Variants in NRG3 observed in about 807,000 individuals in gnomAD.
The protein encoded by NRG3 is neuregulin 3, also known as pro-neuregulin-3, membrane-bound isoform.
A neutral mutation model predicts 66.9 loss-of-function variants in NRG3; 31 were observed. The observed-to-expected ratio is 0.46, with a 90% CI of 0.35 to 0.63. The LOEUF (loss-of-function observed/expected upper bound fraction) is 0.63. Among genes scored for constraint, NRG3 ranks in the 20% least tolerant of loss-of-function variants. The probability of loss-of-function intolerance (pLI) is 0.00; values close to 1 mark genes in which losing one functional copy is unlikely to be tolerated. For missense variants in NRG3, 910 were observed against 878.9 expected (o/e 1.04, Z -0.45); for synonymous variants, 393 against 359.4 (o/e 1.09, Z -1.06).
At chr10:82,616,673 G>T (rs1410126662) in intron 2 of NRG3, among the ~76,000 whole-genome samples, 1 of 152,080 alleles carries the variant, frequency 6.6e-6, no homozygotes, top group African/African-American at 2.4e-5. Flanking sequence ...TTGTTGTACT[G>T]TATTTGTTAA....
rs540562479 is a variant in NRG3 at position 82,856,741 on chromosome 10, C to T, written c.1028-8670C>T. On this transcript the variant is annotated intron_variant, in intron 3 of 8. Transcript: ENST00000372141. ...CCTGGGAGACAGAGCAAGACTCTGT[C>T]TCAAAAAAAAAAAACAAAAAAAAAA... Among the ~76,000 whole-genome samples, 42 of 64,086 alleles carry T rather than the reference C, an allele frequency of 6.6e-4. No individual in the cohort carries two copies. In the Admixed American group the frequency reaches 9.2e-3, roughly 14 times the overall value. 42.0% of individuals were successfully genotyped at this position (64,086 alleles called of 152,430 possible).
At chr10:82,145,526 C>T (rs1172703847) in intron 1 of NRG3, among the ~76,000 whole-genome samples, 1 of 152,150 alleles carries the variant, frequency 6.6e-6, no homozygotes, top group Non-Finnish European at 1.5e-5. Context: ...GTGATGGCCT[C>T]AACATCATAT....
At chr10:81,968,848 G>C (rs1361609214) in intron 1 of NRG3, among the ~76,000 whole-genome samples, 1 of 152,184 alleles carries the variant, frequency 6.6e-6, no homozygotes, top group African/African-American at 2.4e-5. Context: ...TTCTGGTTCT[G>C]AGGCAGGTGC....
chr10:81,987,781 A>G (rs554679054), intron 1 of NRG3, among the ~76,000 whole-genome samples: 1 of 152,330 alleles, frequency 6.6e-6, no homozygotes, highest in East Asian at 1.9e-4. Context: ...GAGCTTTGAT[A>G]TCCAAAGAAA....
chr10:81,909,328 T>G (rs1014488602), intron 1 of NRG3, among the ~76,000 whole-genome samples: 6 of 152,298 alleles, frequency 3.9e-5, no homozygotes, highest in Non-Finnish European at 8.8e-5. Context: ...GGCCCCATTT[T>G]CAAATAAGAT....
At chr10:82,617,870 A>G (rs2048770384) in intron 2 of NRG3, among the ~76,000 whole-genome samples, 1 of 152,172 alleles carries the variant, frequency 6.6e-6, no homozygotes, top group Non-Finnish European at 1.5e-5. Context: ...TGTGCTGTGA[A>G]GATTCCTTAA....
chr10:82,733,858 A>T (rs1010017724), intron 2 of NRG3, among the ~76,000 whole-genome samples: 2 of 152,220 alleles, frequency 1.3e-5, no homozygotes, highest in African/African-American at 2.4e-5. Context: ...CTTAGTTGTT[A>T]TTCAGGAAAT....
intron 1 of NRG3, among the ~76,000 whole-genome samples, chr10:82,246,149 C>T (rs2077234349): frequency 6.6e-6 from 1 of 151,900 alleles, no homozygotes; most frequent in African/African-American, 2.4e-5. Context: ...TAACTACTTA[C>T]TCTGTGGAGT....
intron 2 of NRG3, among the ~76,000 whole-genome samples, chr10:82,503,061 A>G (rs1421081081): frequency 7.3e-6 from 1 of 136,216 alleles, no homozygotes; most frequent in Non-Finnish European, 1.5e-5. Context: ...AATGGAAATA[A>G]CAGTTTCATT....
chr10:82,943,557 G>A (rs990885492), intron 4 of NRG3, among the ~76,000 whole-genome samples: 2 of 152,208 alleles, frequency 1.3e-5, no homozygotes, highest in Non-Finnish European at 2.9e-5. Context: ...AACAGGAAAG[G>A]AGGAGTATAT....
At chr10:81,912,603 G>A (rs1399164101) in intron 1 of NRG3, among the ~76,000 whole-genome samples, 1 of 152,184 alleles carries the variant, frequency 6.6e-6, no homozygotes, top group East Asian at 1.9e-4. Flanking sequence ...GTAGCAGAGT[G>A]TTATAAGAGA....
intron 1 of NRG3, among the ~76,000 whole-genome samples, chr10:82,052,765 T>C (rs75956091): frequency 0.031 from 4,745 of 152,168 alleles, 254 homozygotes; most frequent in African/African-American, 0.11. Flanking sequence ...AGGGGCAACA[T>C]TGTTTAGTAT....
At chr10:82,806,426 G>C (rs1318380027) in intron 3 of NRG3, among the ~76,000 whole-genome samples, 1 of 152,134 alleles carries the variant, frequency 6.6e-6, no homozygotes, top group East Asian at 1.9e-4. Context: ...ATATACTAAA[G>C]ACAAAAATCC....
rs554796506 is a variant in NRG3 at position 82,559,665 on chromosome 10, T to C, written c.954-178912T>C. 1.5e-4 allele frequency among the ~76,000 whole-genome samples: 23 copies of C among 152,328 alleles called. 1 individual carries two copies. In the South Asian group the frequency reaches 4.6e-3, roughly 30 times the overall value. On this transcript the variant is annotated intron_variant, in intron 2 of 8. Transcript: ENST00000372141. ...CTTCCTTCATATTTGTATGGCAAAGTGCAAATGCACATGCATGCATAATGG... is the reference window on the plus strand; with the variant it reads ...CTTCCTTCATATTTGTATGGCAAAGCGCAAATGCACATGCATGCATAATGG...
Position 82,964,004 on chromosome 10 carries a change from T to C in NRG3, c.1284+4929T>C, listed in dbSNP as rs7098868. 5.9e-3 allele frequency among the ~76,000 whole-genome samples: 900 copies of C among 152,322 alleles called. 8 individuals carry two copies. Among genetic ancestry groups the C allele is most frequent in the African/African-American group, 0.021 (856 of 41,566 alleles). Reference sequence around the variant, plus strand: ...AGAAGAGGTAATTTTGTTGTAGCATTAATTAAAGTTAATTTTTAATAGTTC... The same window carrying C: ...AGAAGAGGTAATTTTGTTGTAGCATCAATTAAAGTTAATTTTTAATAGTTC... On this transcript the variant is annotated intron_variant, in intron 6 of 8. Transcript: ENST00000372141.
chr10:82,325,619 T>C (rs11193728), intron 1 of NRG3, among the ~76,000 whole-genome samples: 23,230 of 152,048 alleles, frequency 0.15, 1,925 homozygotes, highest in East Asian at 0.3. Flanking sequence ...ACGTTTCCTT[T>C]TTTTTTGCAT....
intron 3 of NRG3, among the ~76,000 whole-genome samples, chr10:82,777,609 G>C (rs574789080): frequency 3.9e-5 from 6 of 152,120 alleles, no homozygotes; most frequent in Non-Finnish European, 8.8e-5. Context: ...CTGGTCCTGG[G>C]GATCAAGGTG....
chr10:82,682,374 G>C (rs540519937), intron 2 of NRG3, among the ~76,000 whole-genome samples: 1 of 150,964 alleles, frequency 6.6e-6, no homozygotes, highest in Non-Finnish European at 1.5e-5. Flanking sequence ...TGGATAGATA[G>C]ATGATAGGTA....
Position 82,017,272 on chromosome 10 carries a change from T to G in NRG3, c.823+141109T>G, listed in dbSNP as rs573583526. On this transcript the variant is annotated intron_variant, in intron 1 of 8. Transcript: ENST00000372141. ...CTACAAAGGACATGAACTCATCCTT[T>G]TTAATGGTGGCATAGTATTCCATGG... Among the ~76,000 whole-genome samples, 5 of 152,332 alleles carry G rather than the reference T, an allele frequency of 3.3e-5. No individual in the cohort carries two copies. The South Asian group carries it at 1.0e-3, about 32-fold the overall frequency.
Sources: gnomAD v4.1 joint callset for allele counts (sites outside exome capture counted in the v4.1 genomes callset) on GRCh38, gnomAD v4.1.1 for gene constraint, MANE v1.5 for transcripts, NCBI Gene and HGNC (gene_info 2026-07-23, HGNC 2026-07-21) for gene names.